The following AP1M1 variants were observed in gnomAD, a reference collection of about 807,000 sequenced individuals.
AP1M1 encodes the protein adaptor related protein complex 1 subunit mu 1, also known as AP-1 complex subunit mu-1.
A neutral mutation model predicts 57.1 loss-of-function variants in AP1M1; 18 were observed. The ratio of observed to expected loss-of-function variants is 0.32; its 90% CI spans 0.22 to 0.47. AP1M1 has a LOEUF of 0.47. Ranked by LOEUF, AP1M1 falls within the 20% of genes least tolerant of loss-of-function variation. The pLI is 1.00. For missense variants in AP1M1, 362 were observed against 593.5 expected (o/e 0.61, Z 4.05); for synonymous variants, 241 against 237.9 (o/e 1.01, Z -0.12).
rs2091471113 is a variant in AP1M1 at position 16,206,747 on chromosome 19, G to A, written c.267+339G>A. ...GGATGGGGCTGGAATAACCAGCAGA[G>A]CTGCAGAGCTGAGCCCACCTCAGAA... is the stretch of plus-strand genomic sequence containing the variant. On this transcript the variant is annotated intron_variant, in intron 3 of 11. Coordinates refer to ENST00000291439, the MANE Select transcript of AP1M1 (RefSeq NM_032493.4). This position sits in a 1 kb window ranked among gnomAD's most constrained non-coding sequence, Gnocchi z 4.3. Among the ~76,000 whole-genome samples the A allele has an allele frequency of 6.6e-6, 1 of 152,192 alleles. No homozygotes were observed. Among genetic ancestry groups the A allele is most frequent in the Non-Finnish European group, 1.5e-5 (1 of 68,030 alleles).
intron 5 of AP1M1, among the ~76,000 whole-genome samples, chr19:16,214,273 C>T (rs1295404039): frequency 1.3e-5 from 2 of 151,414 alleles, no homozygotes; most frequent in Non-Finnish European, 2.9e-5. Context: ...AGGATGGTCT[C>T]GATCTCCTGA....
chr19:16,199,924 C>T (rs759367293), intron 1 of AP1M1, among the ~76,000 whole-genome samples: 3 of 152,276 alleles, frequency 2.0e-5, no homozygotes, highest in Admixed American at 6.5e-5. Context: ...TGTCCATTGG[C>T]GCCATGGCTG....
intron 2 of AP1M1, among the ~76,000 whole-genome samples, chr19:16,205,478 G>T (rs77029175): frequency 1.3e-5 from 2 of 152,266 alleles, no homozygotes; most frequent in African/African-American, 4.8e-5. Flanking sequence ...CTGGGCCAGC[G>T]TCCCTTTCCT....
intron 5 of AP1M1, among the ~76,000 whole-genome samples, chr19:16,219,064 GTT>G (rs35202979): frequency 2.4e-4 from 34 of 142,930 alleles, no homozygotes; most frequent in East Asian, 6.0e-4. Context: ...TTTGCTAACA[GTT>G]TTTTTTTTTT....
chr19:16,225,567 G>A (rs1166888209), intron 5 of AP1M1, among the ~76,000 whole-genome samples: 4 of 152,336 alleles, frequency 2.6e-5, no homozygotes, highest in South Asian at 2.1e-4. Context: ...TCGCCCCGGT[G>A]TGGATTTTCA....
rs1050892035 is a variant in AP1M1 at position 16,197,940 on chromosome 19, G to T, written c.-87G>T. ...GTGGAGGTGAGCTGTCGCGGGCGGC[G>T]CCCGGCCTTGCTCAACGCCCAGCAG... is the stretch of plus-strand genomic sequence containing the variant. On this transcript the variant is annotated 5_prime_UTR_variant, in exon 1 of 12. Transcript: ENST00000291439. The T allele has an allele frequency of 6.4e-6, 8 of 1,258,944 alleles. No homozygotes were observed. The African/African-American group carries it at 9.9e-5, about 16-fold the overall frequency. The allele number at this position is 1,258,944 out of a possible 1,614,324, so 78.0% of individuals were successfully genotyped here.
chr19:16,228,195 A>C lies in AP1M1; in HGVS notation c.875A>C (p.Glu292Ala), dbSNP rs2091579630. The change falls in exon 8 of 12, where the codon GAG (glutamate) becomes GCG (alanine). Residue 292 changes from glutamate to alanine, a missense_variant. Coordinates refer to ENST00000291439, the MANE Select transcript of AP1M1 (RefSeq NM_032493.4). This position sits in a 1 kb window ranked among gnomAD's most constrained non-coding sequence, Gnocchi z 5.0. Reference sequence around the variant, plus strand: ...GAGAAGCACTCCCACAGCCGCATCGAGTACATGATCAAGGTGCGTGGGCCG... The same window carrying C: ...GAGAAGCACTCCCACAGCCGCATCGCGTACATGATCAAGGTGCGTGGGCCG... ...VIEKHSHSRI[E>A]YMIKAKSQFK... The C allele has an allele frequency of 6.2e-7, 1 of 1,613,690 alleles. No homozygotes were observed. Among genetic ancestry groups the C allele is most frequent in the Admixed American group, 1.7e-5 (1 of 60,008 alleles).
chr19:16,230,982 A>T (rs2091593312), intron 9 of AP1M1, among the ~76,000 whole-genome samples: 2 of 152,086 alleles, frequency 1.3e-5, no homozygotes, highest in South Asian at 4.2e-4. Context: ...AACTGCAAAA[A>T]ATAAATTTTA....
chr19:16,210,503 T>C, intron 5 of AP1M1: 2 of 665,930 alleles, frequency 3.0e-6, no homozygotes, highest in South Asian at 3.1e-5. Context: ...GTCAGTAGTT[T>C]TATTTTTGTC....
intron 5 of AP1M1, among the ~76,000 whole-genome samples, chr19:16,218,586 C>T (rs1238539791): frequency 6.6e-6 from 1 of 152,204 alleles, no homozygotes; most frequent in Non-Finnish European, 1.5e-5. Context: ...TCAGGGCCTT[C>T]CCACTGAAGA....
chr19:16,215,798 A>ACC (rs2091516998), intron 5 of AP1M1, among the ~76,000 whole-genome samples: 1 of 152,164 alleles, frequency 6.6e-6, no homozygotes, highest in Admixed American at 6.5e-5. Flanking sequence ...TCTTTCAGGG[A>ACC]CACCAATGAG....
intron 9 of AP1M1, among the ~76,000 whole-genome samples, chr19:16,230,113 GA>G (rs1233288862): frequency 6.6e-6 from 1 of 152,246 alleles, no homozygotes; most frequent in African/African-American, 2.4e-5. Context: ...TAAGGGCCGA[GA>G]CACAGGCTGG....
intron 9 of AP1M1, among the ~76,000 whole-genome samples, chr19:16,230,557 C>T (rs997861782): frequency 1.8e-4 from 28 of 152,236 alleles, no homozygotes; most frequent in African/African-American, 5.3e-4. Context: ...TGTGTCACCA[C>T]GCCTGGCTAA....
At chr19:16,209,978 A>G (rs984689699) in intron 5 of AP1M1, among the ~76,000 whole-genome samples, 5 of 152,090 alleles carry the variant, frequency 3.3e-5, no homozygotes, top group African/African-American at 1.2e-4. Context: ...TTGTAGCTCC[A>G]TGCTCCCCTC....
intron 9 of AP1M1, among the ~76,000 whole-genome samples, chr19:16,232,307 C>T (rs113536755): frequency 0.012 from 1,822 of 152,348 alleles, 44 homozygotes; most frequent in African/African-American, 0.041. Context: ...TGTGAGCCGG[C>T]GCCAGCCTAC....
chr19:16,220,750 T>C (rs1044522388), intron 5 of AP1M1, among the ~76,000 whole-genome samples: 1 of 152,238 alleles, frequency 6.6e-6, no homozygotes, highest in African/African-American at 2.4e-5. Context: ...ACACATTCCC[T>C]TGGCTTTCCT....
intron 5 of AP1M1, among the ~76,000 whole-genome samples, chr19:16,222,232 G>A (rs1206069548): frequency 7.1e-6 from 1 of 140,444 alleles, no homozygotes; most frequent in African/African-American, 2.7e-5. Flanking sequence ...TTTTGAGATA[G>A]GTTCCCACTC....
chr19:16,228,057 C>G lies in AP1M1; in HGVS notation c.817-80C>G. 1.4e-6 allele frequency: 2 copies of G among 1,436,878 alleles called. No individual in the cohort carries two copies. The highest frequency in any genetic ancestry group is 1.9e-6 in the Non-Finnish European group (2 of 1,031,646). The allele number at this position is 1,436,878 out of a possible 1,614,324, so 89.0% of individuals were successfully genotyped here. On this transcript the variant is annotated intron_variant, in intron 7 of 11. Coordinates refer to ENST00000291439, the MANE Select transcript of AP1M1 (RefSeq NM_032493.4). This position sits in a 1 kb window ranked among gnomAD's most constrained non-coding sequence, Gnocchi z 5.0. ...ACACCTGGGCAGATGGTCCCTTGCC[C>G]TGGGCCTTGGTTTCCCCTCTGAAAT...
intron 5 of AP1M1, 78 bp downstream of exon 5, chr19:16,209,255 G>A: frequency 1.3e-6 from 2 of 1,549,272 alleles, no homozygotes; most frequent in South Asian, 1.2e-5. Flanking sequence ...TTTAAAACTG[G>A]CAAAGCCCCG....
Sources: gnomAD v4.1 joint callset for allele counts (sites outside exome capture counted in the v4.1 genomes callset) on GRCh38, gnomAD v4.1.1 for gene constraint, Gnocchi (gnomAD v3.1) non-coding constraint, MANE v1.5 for transcripts, NCBI Gene and HGNC (gene_info 2026-07-23, HGNC 2026-07-21) for gene names.